ZNF276: variants seen among roughly 807,000 people sequenced by gnomAD.
The protein encoded by ZNF276 is centromere protein Z.
Under a neutral mutation model 63.9 loss-of-function variants are expected in ZNF276, and 59 were observed. The observed-to-expected ratio is 0.92, with a 90% CI of 0.75 to 1.15. The LOEUF is 1.15. Ranked by LOEUF, ZNF276 falls within the 50% of genes most tolerant of loss-of-function variation. The pLI is 0.00. For synonymous variants in ZNF276, 496 were observed against 348.4 expected (o/e 1.42, Z -4.72); for missense variants, 1,084 against 843.8 (o/e 1.28, Z -3.53).
chr16:89,723,277 A>C lies in ZNF276; in HGVS notation c.574A>C (p.Ser192Arg). The C allele has an allele frequency of 6.2e-7, 1 of 1,613,086 alleles. No individual in the cohort carries two copies. The highest frequency in any genetic ancestry group is 8.5e-7 in the Non-Finnish European group (1 of 1,179,952). ...CTCTGCAGTGGATCTGATCACATCC[A>C]GCCCCCAGTGCCTGCACGGCTTGGT... ...GACLVDLITS[S>R]PQCLHGLVGW... The change falls in exon 4 of 11, where the codon AGC becomes CGC. Residue 192 changes from serine (S) to arginine (R), a missense_variant. By Grantham distance (110) the Ser-to-Arg change is moderately radical. Coordinates refer to ENST00000443381, the MANE Select transcript of ZNF276 (RefSeq NM_001113525.2).
intron 5 of ZNF276, among the ~76,000 whole-genome samples, chr16:89,728,013 G>C (rs983114822): frequency 1.3e-5 from 2 of 152,106 alleles, no homozygotes; most frequent in Non-Finnish European, 2.9e-5. Context: ...ACCCTCTCCT[G>C]TAAACCTTGG....
chr16:89,723,347 A>C lies in ZNF276; in HGVS notation c.644A>C (p.His215Pro). The change falls in exon 4 of 11, where the codon CAC becomes CCC. Residue 215 changes from histidine to proline, a missense_variant. Coordinates refer to ENST00000443381, the MANE Select transcript of ZNF276 (RefSeq NM_001113525.2). Reference sequence around the variant, plus strand: ...GCGGCCAGCTGCGGGGCCCTGCCCCACCTTCAGAGGACACTGTCCTCCGAG... The same window carrying C: ...GCGGCCAGCTGCGGGGCCCTGCCCCCCCTTCAGAGGACACTGTCCTCCGAG... ...GHAASCGALP[H>P]LQRTLSSEYC... 6.2e-7 allele frequency: 1 copy of C among 1,612,992 alleles called. No homozygotes were observed. The highest frequency in any genetic ancestry group is 8.5e-7 in the Non-Finnish European group (1 of 1,180,028).
chr16:89,733,296 T>C lies in ZNF276; in HGVS notation c.1170-6T>C. 6.2e-7 allele frequency: 1 copy of C among 1,610,284 alleles called. No homozygotes were observed. Among genetic ancestry groups the C allele is most frequent in the Non-Finnish European group, 8.5e-7 (1 of 1,178,898 alleles). On this transcript the variant is annotated splice_region_variant and splice_polypyrimidine_tract_variant and intron_variant, in intron 6 of 10. Coordinates refer to ENST00000443381, the MANE Select transcript of ZNF276 (RefSeq NM_001113525.2). ...ACCATTGAATTTGGGAACCTCTTTT[T>C]TTCAGAGTCTCTGGTAAGAAGAGTG... is the stretch of plus-strand genomic sequence containing the variant.
In ZNF276 at chr16:89,739,275, A is replaced by C. The variant is rs1326007572; in HGVS notation, c.*1029A>C. On this transcript the variant is annotated 3_prime_UTR_variant, in exon 11 of 11. Coordinates refer to ENST00000443381, the MANE Select transcript of ZNF276 (RefSeq NM_001113525.2). ...TTCCCTGATGGCCGCGTCTTCATGG[A>C]AGTAGGAGAGAAGACTAGAGGTAAA... 1 of 1,614,010 alleles carries C rather than the reference A, an allele frequency of 6.2e-7. No homozygotes were observed. The highest frequency in any genetic ancestry group is 8.5e-7 in the Non-Finnish European group (1 of 1,180,040).
intron 6 of ZNF276, among the ~76,000 whole-genome samples, chr16:89,729,964 G>T (rs964892930): frequency 3.3e-5 from 5 of 152,152 alleles, no homozygotes; most frequent in African/African-American, 4.8e-5. Flanking sequence ...ACACTCCCAG[G>T]TAGTTGGTGA....
chr16:89,733,599 G>T (rs1225985440), intron 8 of ZNF276, 42 bp downstream of exon 8: 2 of 1,606,138 alleles, frequency 1.2e-6, no homozygotes, highest in Non-Finnish European at 1.7e-6. Flanking sequence ...GCAGCTGTCA[G>T]TGTGAACCTG....
chr16:89,727,395 C>A, intron 5 of ZNF276, 38 bp downstream of exon 5: 1 of 1,594,036 alleles, frequency 6.3e-7, no homozygotes, highest in Non-Finnish European at 8.6e-7. Context: ...TAAAATTTCT[C>A]CTTCAAAAAC....
rs913837994 is a variant in ZNF276 at position 89,721,688 on chromosome 16, A to G, written c.48A>G (p.Arg16=). The G allele has an allele frequency of 2.1e-6, 3 of 1,424,686 alleles. No homozygotes were observed. Among genetic ancestry groups the G allele is most frequent in the Admixed American group, 3.0e-5 (1 of 33,612 alleles). 88.3% of individuals were successfully genotyped at this position (1,424,686 alleles called of 1,614,324 possible). A position where few individuals can be genotyped will look rare whatever the true frequency, so the allele number is the denominator to read the frequency against. The change falls in exon 1 of 11, where the codon CGA becomes CGG. Residue 16 remains arginine (R), a synonymous_variant. Transcript: ENST00000443381. The part of the protein sequence containing the change: ...LGRFLSPGSS[R]QCGASDGGGG... ...GCTTCCTGTCTCCTGGGTCGTCCCG[A>G]CAGTGCGGGGCCTCGGACGGCGGCG...
chr16:89,723,653 TGGGGCCCA>T lies in ZNF276; in HGVS notation c.953_960del (p.Gly318ValfsTer20). The T allele has an allele frequency of 1.2e-6, 2 of 1,612,514 alleles. No homozygotes were observed. Among genetic ancestry groups the T allele is most frequent in the Non-Finnish European group, 1.7e-6 (2 of 1,179,942 alleles). ...CAGCCTCCTTCGGACAGCGACGCGG[TGGGGCCCA>T]GGTCGGGCTTCCCACCTCAGCCAAG... On this transcript the variant is annotated frameshift_variant, in exon 4 of 11. Transcript: ENST00000443381. LOFTEE classifies it high-confidence loss of function.
At chr16:89,737,543 C>A in intron 9 of ZNF276, 2 of 484,576 alleles carry the variant, frequency 4.1e-6, no homozygotes, top group Non-Finnish European at 7.0e-6. Context: ...AGACAAGAAT[C>A]TGTGGTTAAG....
chr16:89,730,338 C>T (rs993360246), intron 6 of ZNF276, among the ~76,000 whole-genome samples: 8 of 152,144 alleles, frequency 5.3e-5, no homozygotes, highest in Non-Finnish European at 8.8e-5. Flanking sequence ...GCCCCCACTC[C>T]GTGACCCTCC....
At chr16:89,736,647 T>G (rs1241237420) in intron 9 of ZNF276, among the ~76,000 whole-genome samples, 1 of 151,818 alleles carries the variant, frequency 6.6e-6, no homozygotes, top group Non-Finnish European at 1.5e-5. Flanking sequence ...TTTTTTAAAT[T>G]ACCTGGGTGT....
At chr16:89,725,640 A>G (rs1163049843) in intron 4 of ZNF276, among the ~76,000 whole-genome samples, 1 of 152,026 alleles carries the variant, frequency 6.6e-6, no homozygotes, top group Non-Finnish European at 1.5e-5. Context: ...AAATACAAAA[A>G]ATTAGCTGGA....
At chr16:89,727,808 G>A (rs2061514651) in intron 5 of ZNF276, among the ~76,000 whole-genome samples, 1 of 152,250 alleles carries the variant, frequency 6.6e-6, no homozygotes, top group Non-Finnish European at 1.5e-5. Context: ...TGTTTCTGGA[G>A]TAGAGAAACC....
chr16:89,722,736 G>C lies in ZNF276; in HGVS notation c.411G>C (p.Lys137Asn). 1 of 1,611,984 alleles carries C rather than the reference G, an allele frequency of 6.2e-7. No homozygotes were observed. The highest frequency in any genetic ancestry group is 1.1e-5 in the South Asian group (1 of 91,090). The change falls in exon 2 of 11, where the codon AAG (lysine) becomes AAC (asparagine). Residue 137 changes from lysine to asparagine, a missense_variant. Coordinates refer to ENST00000443381, the MANE Select transcript of ZNF276 (RefSeq NM_001113525.2). ...QDPTLSPFVC[K>N]SCHAQFYQCH... The stretch of plus-strand genomic sequence containing the variant: ...CCACCTTGTCTCCGTTTGTCTGCAA[G>C]AGCTGCCACGCCCAGTTCTACCAGT...
chr16:89,727,362 G>C lies in ZNF276; in HGVS notation c.1085+5G>C. 6.2e-7 allele frequency: 1 copy of C among 1,613,874 alleles called. No homozygotes were observed. Among genetic ancestry groups the C allele is most frequent in the South Asian group, 1.1e-5 (1 of 91,056 alleles). On this transcript the variant is annotated splice_donor_5th_base_variant and intron_variant, in intron 5 of 10. Coordinates refer to ENST00000443381, the MANE Select transcript of ZNF276 (RefSeq NM_001113525.2). ...GTTCAGTGACCTTTCTGAGGGGTGA[G>C]AGAAGAGTGGGTTTAAACAGCCTAA... is the stretch of plus-strand genomic sequence containing the variant.
rs549586797 is a variant in ZNF276 at position 89,740,659 on chromosome 16, C to T, written c.*2413C>T. 16 of 652,698 alleles carry T rather than the reference C, an allele frequency of 2.5e-5. No individual in the cohort carries two copies. Among genetic ancestry groups the T allele is most frequent in the African/African-American group, 5.6e-5 (3 of 53,156 alleles). 40.4% of individuals were successfully genotyped at this position (652,698 alleles called of 1,614,324 possible). A position where few individuals can be genotyped will look rare whatever the true frequency, so the allele number is the denominator to read the frequency against. The stretch of plus-strand genomic sequence containing the variant: ...CTCAAAAAAAAAAAAAAAAAACCCA[C>T]GGCCTGGGAGTTCTCACTCACACTT... On this transcript the variant is annotated 3_prime_UTR_variant, in exon 11 of 11. Transcript: ENST00000443381.
At position 89,723,121 on chromosome 16, in the gene ZNF276, C is replaced by T. The variant is rs1196843838; in HGVS notation, c.510-16C>T. ...CGCCTGCTTGTCCTGCTCATGGCCA[C>T]ACTGATCCTTTGCAGGGTCGGTGCC... On this transcript the variant is annotated splice_polypyrimidine_tract_variant and intron_variant, in intron 2 of 10. Coordinates refer to ENST00000443381, the MANE Select transcript of ZNF276 (RefSeq NM_001113525.2). The T allele has an allele frequency of 1.9e-6, 3 of 1,613,228 alleles. No homozygotes were observed. Among genetic ancestry groups the T allele is most frequent in the South Asian group, 1.1e-5 (1 of 91,090 alleles).
In ZNF276 at chr16:89,740,161, G is replaced by A. The variant is rs1439285683; in HGVS notation, c.*1915G>A. 2.3e-6 allele frequency: 3 copies of A among 1,315,128 alleles called. No individual in the cohort carries two copies. The highest frequency in any genetic ancestry group is 1.5e-5 in the African/African-American group (1 of 68,960). 81.5% of individuals were successfully genotyped at this position (1,315,128 alleles called of 1,614,324 possible). A position where few individuals can be genotyped will look rare whatever the true frequency, so the allele number is the denominator to read the frequency against. On this transcript the variant is annotated 3_prime_UTR_variant, in exon 11 of 11. Transcript: ENST00000443381. Reference sequence around the variant, plus strand: ...ACCTGGTGCTCCCATGGGTAGGAGGGTACAGCCCTCAGCACAGAAGAGGGC... The same window carrying A: ...ACCTGGTGCTCCCATGGGTAGGAGGATACAGCCCTCAGCACAGAAGAGGGC...
Sources: gnomAD v4.1 joint callset for allele counts (sites outside exome capture counted in the v4.1 genomes callset) on GRCh38, gnomAD v4.1.1 for gene constraint, MANE v1.5 for transcripts, NCBI Gene and HGNC (gene_info 2026-07-23, HGNC 2026-07-21) for gene names.